Variants in CDK8 observed in about 807,000 individuals in gnomAD.
CDK8 encodes the protein cyclin dependent kinase 8, also known as cyclin-dependent kinase 8.
Under a neutral mutation model 71.5 loss-of-function variants are expected in CDK8, and 29 were observed. The ratio of observed to expected loss-of-function variants is 0.41; its 90% CI spans 0.30 to 0.55. The LOEUF is 0.55. Ranked by LOEUF, CDK8 falls within the 20% of genes least tolerant of loss-of-function variation. The pLI, the probability that CDK8 is intolerant of heterozygous loss-of-function variation, is 0.37. For synonymous variants in CDK8, 161 were observed against 192.1 expected (o/e 0.84, Z 1.34); for missense variants, 288 against 572.6 (o/e 0.50, Z 5.07).
At chr13:26,256,138 G>C (rs1203203083) in intron 1 of CDK8, among the ~76,000 whole-genome samples, 1 of 152,166 alleles carries the variant, frequency 6.6e-6, no homozygotes, top group Non-Finnish European at 1.5e-5. Flanking sequence ...ATTTGGATTT[G>C]AAAACTTGAT....
intron 1 of CDK8, among the ~76,000 whole-genome samples, chr13:26,306,422 T>C (rs1382763514): frequency 2.6e-5 from 4 of 152,182 alleles, no homozygotes. Flanking sequence ...TATAGATTAA[T>C]TTTATTTAAT....
At chr13:26,356,043 A>G (rs902291043) in intron 4 of CDK8, among the ~76,000 whole-genome samples, 4 of 152,140 alleles carry the variant, frequency 2.6e-5, no homozygotes, top group Non-Finnish European at 5.9e-5. Flanking sequence ...TCTTCCTGCT[A>G]ATGCATCTTA....
At chr13:26,326,278 T>C (rs2137955618) in intron 1 of CDK8, among the ~76,000 whole-genome samples, 1 of 152,324 alleles carries the variant, frequency 6.6e-6, no homozygotes, top group Admixed American at 6.5e-5. Flanking sequence ...TTGGTTTGAT[T>C]GCATATTTTA....
At chr13:26,366,374 A>G (rs1874387411) in intron 4 of CDK8, among the ~76,000 whole-genome samples, 1 of 152,134 alleles carries the variant, frequency 6.6e-6, no homozygotes, top group South Asian at 2.1e-4. Context: ...GAATCAACAT[A>G]CAATATTTTT....
intron 1 of CDK8, among the ~76,000 whole-genome samples, chr13:26,328,306 T>A (rs1174406544): frequency 6.6e-6 from 1 of 152,240 alleles, no homozygotes; most frequent in Non-Finnish European, 1.5e-5. Flanking sequence ...ACACAGTGAT[T>A]ATGATTATTT....
intron 4 of CDK8, among the ~76,000 whole-genome samples, chr13:26,369,105 T>G (rs1874528629): frequency 6.6e-6 from 1 of 152,080 alleles, no homozygotes; most frequent in Non-Finnish European, 1.5e-5. Flanking sequence ...TGGAATAGTT[T>G]GTATAATATA....
Position 26,332,966 on chromosome 13 carries a change from T to C in CDK8, c.129-4601T>C, listed in dbSNP as rs373016297. Among the ~76,000 whole-genome samples, 12 of 152,160 alleles carry C rather than the reference T, an allele frequency of 7.9e-5. No homozygotes were observed. The East Asian group carries it at 9.6e-4, about 12-fold the overall frequency. Reference sequence around the variant, plus strand: ...ACACAATCTGAAACTTTTTGATGCCTGATGCCACAAGTGGAAAATTCCACA... The same window carrying C: ...ACACAATCTGAAACTTTTTGATGCCCGATGCCACAAGTGGAAAATTCCACA... On this transcript the variant is annotated intron_variant, in intron 1 of 12. Transcript: ENST00000381527.
intron 1 of CDK8, among the ~76,000 whole-genome samples, chr13:26,283,770 C>T (rs180849701): frequency 2.9e-3 from 438 of 151,476 alleles, no homozygotes; most frequent in African/African-American, 0.01. Context: ...TGGTGGCGTG[C>T]GCCTATAGTC....
intron 1 of CDK8, among the ~76,000 whole-genome samples, chr13:26,259,215 G>A (rs1027487466): frequency 6.6e-6 from 1 of 152,140 alleles, no homozygotes; most frequent in Non-Finnish European, 1.5e-5. Context: ...TTCTAAAAAT[G>A]TGACAGAAGA....
chr13:26,319,821 A>T (rs1391823223), intron 1 of CDK8, among the ~76,000 whole-genome samples: 1 of 152,128 alleles, frequency 6.6e-6, no homozygotes, highest in African/African-American at 2.4e-5. Context: ...TTCAAAATTT[A>T]TTACAAAGCT....
In CDK8 at chr13:26,403,990, G is replaced by GACC. The variant is rs1003629445; in HGVS notation, c.1306_1308dup (p.Pro436dup). 1.9e-6 allele frequency: 3 copies of GACC among 1,613,352 alleles called. No homozygotes were observed. Among genetic ancestry groups the GACC allele is most frequent in the Non-Finnish European group, 2.5e-6 (3 of 1,179,996 alleles). ...CCACATGCTGCCTATCCCAACCCTG[G>GACC]ACCAAGCACATCACAGCCGCAGAGC... On this transcript the variant is annotated inframe_insertion, in exon 13 of 13. Coordinates refer to ENST00000381527, the MANE Select transcript of CDK8 (RefSeq NM_001260.3).
At chr13:26,388,773 A>G (rs1025162014) in intron 6 of CDK8, among the ~76,000 whole-genome samples, 1 of 152,182 alleles carries the variant, frequency 6.6e-6, no homozygotes, top group African/African-American at 2.4e-5. Flanking sequence ...AATCTAAACT[A>G]CCAGCACTTA....
At chr13:26,348,483 C>G (rs1873552671) in intron 2 of CDK8, among the ~76,000 whole-genome samples, 1 of 152,058 alleles carries the variant, frequency 6.6e-6, no homozygotes, top group Admixed American at 6.6e-5. Context: ...GTTGCATGCT[C>G]CTTATGAGAA....
At chr13:26,298,665 G>A (rs557829503) in intron 1 of CDK8, among the ~76,000 whole-genome samples, 1 of 152,094 alleles carries the variant, frequency 6.6e-6, no homozygotes, top group Non-Finnish European at 1.5e-5. Context: ...CACAGCAGGG[G>A]ATTAGTTGTG....
intron 1 of CDK8, among the ~76,000 whole-genome samples, chr13:26,278,316 T>A (rs745900582): frequency 3.3e-5 from 5 of 152,334 alleles, no homozygotes; most frequent in Non-Finnish European, 5.9e-5. Context: ...TGATGAACCA[T>A]AGCCTCATTT....
Position 26,349,090 on chromosome 13 carries a change from C to T in CDK8, c.223C>T (p.His75Tyr). ...REIALLRELKHPNVISLQKVF... is the reference protein window; with the variant it reads ...REIALLRELKYPNVISLQKVF... ...TTTGCAGTTACTTCGAGAGCTTAAG[C>T]ATCCAAACGTCATTTCTCTTCAAAA... The change falls in exon 3 of 13, where the codon CAT becomes TAT. Residue 75 changes from histidine (H) to tyrosine (Y), a missense_variant. This residue lies in a region of CDK8 where 95 missense variants were observed against 177.3 expected (regional missense o/e 0.54). Coordinates refer to ENST00000381527, the MANE Select transcript of CDK8 (RefSeq NM_001260.3). 6.2e-7 allele frequency: 1 copy of T among 1,609,472 alleles called. No homozygotes were observed. The highest frequency in any genetic ancestry group is 8.5e-7 in the Non-Finnish European group (1 of 1,176,124).
intron 4 of CDK8, 73 bp downstream of exon 4, chr13:26,353,953 T>TAC: frequency 7.7e-7 from 1 of 1,306,298 alleles, no homozygotes; most frequent in Non-Finnish European, 1.1e-6. Flanking sequence ...CGTCTGTAGA[T>TAC]ACCAGTGCTA....
At chr13:26,375,586 C>T (rs1005029206) in intron 4 of CDK8, among the ~76,000 whole-genome samples, 3 of 152,168 alleles carry the variant, frequency 2.0e-5, no homozygotes, top group Non-Finnish European at 2.9e-5. Flanking sequence ...TAAAAATATA[C>T]CACAACAGTG....
At chr13:26,374,036 A>T (rs1368195203) in intron 4 of CDK8, among the ~76,000 whole-genome samples, 3 of 137,154 alleles carry the variant, frequency 2.2e-5, no homozygotes, top group Admixed American at 1.5e-4. Context: ...AAAAAAAAAA[A>T]ACAAAAAACA....
Sources: gnomAD v4.1 joint callset for allele counts (sites outside exome capture counted in the v4.1 genomes callset) on GRCh38, gnomAD v4.1.1 for gene constraint, gnomAD v4.1.1 regional missense constraint, MANE v1.5 for transcripts, NCBI Gene and HGNC (gene_info 2026-07-23, HGNC 2026-07-21) for gene names.